PPARG: variants seen among roughly 807,000 people sequenced by gnomAD.
The protein encoded by PPARG is peroxisome proliferator activated receptor gamma, also known as peroxisome proliferator-activated receptor gamma.
Under a neutral mutation model 39.2 loss-of-function variants are expected in PPARG, and 17 were observed. That is an observed-to-expected ratio of 0.43 (90% CI 0.30 to 0.65). The LOEUF (loss-of-function observed/expected upper bound fraction) is 0.65, where lower values mean the gene tolerates loss of function less well. PPARG is among the 30% of genes least tolerant of loss of function. The probability of loss-of-function intolerance (pLI) is 0.13; values close to 1 mark genes in which losing one functional copy is unlikely to be tolerated. For missense variants in PPARG, 406 were observed against 585.9 expected (o/e 0.69, Z 3.17); for synonymous variants, 223 against 215.7 (o/e 1.03, Z -0.30).
chr3:12,399,966 C>T (rs912877431), intron 5 of PPARG, among the ~76,000 whole-genome samples: 1 of 147,818 alleles, frequency 6.8e-6, no homozygotes, highest in Non-Finnish European at 1.5e-5. Context: ...CCTGCGTGAT[C>T]GAGAAAGACC....
At chr3:12,340,217 C>T (rs1575019743) in intron 2 of PPARG, among the ~76,000 whole-genome samples, 1 of 152,296 alleles carries the variant, frequency 6.6e-6, no homozygotes, top group East Asian at 1.9e-4. Flanking sequence ...GATCCCTGTA[C>T]AGATTTTGGC....
chr3:12,392,801 C>G, intron 5 of PPARG, 49 bp downstream of exon 5: 1 of 1,609,176 alleles, frequency 6.2e-7, no homozygotes, highest in Non-Finnish European at 8.5e-7. Context: ...ATTATAGCTG[C>G]CAGACCAGTG....
intron 4 of PPARG, among the ~76,000 whole-genome samples, chr3:12,387,827 C>T (rs7627540): frequency 2.1e-4 from 32 of 152,224 alleles, no homozygotes; most frequent in African/African-American, 7.0e-4. Flanking sequence ...CCTAGGTTTT[C>T]TTCTAGGGTT....
rs1559540754 is a variant in PPARG, at chr3:12,434,161, C to T, written c.*16C>T. 1 of 1,614,182 alleles carries T rather than the reference C, an allele frequency of 6.2e-7. No individual in the cohort carries two copies. Among genetic ancestry groups the T allele is most frequent in the Non-Finnish European group, 8.5e-7 (1 of 1,180,032 alleles). ...CTTGTACTAGCAGAGAGTCCTGAGC[C>T]ACTGCCAACATTTCCCTTCTTCCAG... On this transcript the variant is annotated 3_prime_UTR_variant, in exon 8 of 8. Coordinates refer to ENST00000651735, the MANE Select transcript of PPARG (RefSeq NM_138711.6). The surrounding 1 kb of genome is among the most constrained non-coding windows in gnomAD (Gnocchi z 4.2).
At chr3:12,373,797 C>T (rs2049308597) in intron 2 of PPARG, among the ~76,000 whole-genome samples, 1 of 152,122 alleles carries the variant, frequency 6.6e-6, no homozygotes, top group Non-Finnish European at 1.5e-5. Flanking sequence ...GGAGGAGGTA[C>T]AAAGTGCTGT....
intron 2 of PPARG, among the ~76,000 whole-genome samples, chr3:12,313,467 T>A (rs188988696): frequency 6.6e-6 from 1 of 152,286 alleles, no homozygotes; most frequent in East Asian, 1.9e-4. Flanking sequence ...AATAAAATAC[T>A]CTTGGAGCAT....
At chr3:12,339,650 A>G (rs1027798382) in intron 2 of PPARG, among the ~76,000 whole-genome samples, 1 of 152,148 alleles carries the variant, frequency 6.6e-6, no homozygotes, top group African/African-American at 2.4e-5. Context: ...TCTAGCTTTG[A>G]CTTTGTCACT....
intron 5 of PPARG, among the ~76,000 whole-genome samples, chr3:12,403,999 G>T (rs2050568445): frequency 6.6e-6 from 1 of 152,110 alleles, no homozygotes; most frequent in Non-Finnish European, 1.5e-5. Context: ...GTGAGATAAG[G>T]TCATATCCTG....
At chr3:12,306,200 A>C (rs1461369866) in intron 1 of PPARG, among the ~76,000 whole-genome samples, 1 of 152,190 alleles carries the variant, frequency 6.6e-6, no homozygotes, top group Non-Finnish European at 1.5e-5. Context: ...TCTCATAAGA[A>C]GCATGCAACA....
intron 4 of PPARG, among the ~76,000 whole-genome samples, chr3:12,386,436 C>A (rs1205251628): frequency 6.6e-6 from 1 of 151,782 alleles, no homozygotes; most frequent in Non-Finnish European, 1.5e-5. Context: ...GACCTTGGAT[C>A]ATCACAAAAA....
At position 12,383,165 on chromosome 3, in the gene PPARG, C is replaced by A. The variant is rs370011259; in HGVS notation, c.390+1674C>A. ...ACACATTGTATCCTTCATCAGGCCC[C>A]CCATATGTAAAATGACTTGGTTAGA... On this transcript the variant is annotated intron_variant, in intron 4 of 7. Coordinates refer to ENST00000651735, the MANE Select transcript of PPARG (RefSeq NM_138711.6). 1.2e-4 allele frequency among the ~76,000 whole-genome samples: 19 copies of A among 152,214 alleles called. No individual in the cohort carries two copies. In the East Asian group the frequency reaches 1.7e-3, roughly 14 times the overall value.
At chr3:12,332,494 G>T (rs911258610) in intron 2 of PPARG, among the ~76,000 whole-genome samples, 1 of 152,188 alleles carries the variant, frequency 6.6e-6, no homozygotes, top group Non-Finnish European at 1.5e-5. Context: ...AAAGGTAGAA[G>T]AACAACTTTC....
intron 2 of PPARG, among the ~76,000 whole-genome samples, chr3:12,346,449 G>A (rs1353593591): frequency 6.6e-6 from 1 of 152,132 alleles, no homozygotes; most frequent in African/African-American, 2.4e-5. Flanking sequence ...TTTGTGGAAA[G>A]GGCTTTTTCT....
At chr3:12,403,120 C>T (rs897110023) in intron 5 of PPARG, among the ~76,000 whole-genome samples, 17 of 151,850 alleles carry the variant, frequency 1.1e-4, no homozygotes, top group African/African-American at 4.1e-4. Flanking sequence ...TGGTGAAACC[C>T]TGTCTCTACA....
intron 2 of PPARG, among the ~76,000 whole-genome samples, chr3:12,335,812 T>C (rs995138775): frequency 6.6e-6 from 1 of 152,084 alleles, no homozygotes; most frequent in African/African-American, 2.4e-5. Context: ...GAGCTAATCA[T>C]TAGAAGTAGA....
upstream of PPARG, among the ~76,000 whole-genome samples, chr3:12,288,482 G>A (rs988773613): frequency 3.3e-5 from 5 of 151,978 alleles, no homozygotes; most frequent in Non-Finnish European, 1.5e-5. Context: ...CGCGTCCCCG[G>A]CGGAGGTGCG....
chr3:12,413,091 T>C (rs1221998213), intron 6 of PPARG, among the ~76,000 whole-genome samples: 1 of 152,220 alleles, frequency 6.6e-6, no homozygotes, highest in Non-Finnish European at 1.5e-5. Flanking sequence ...ACATTTTGTA[T>C]GGAACATTGT....
intron 5 of PPARG, among the ~76,000 whole-genome samples, chr3:12,403,491 A>G (rs1177626704): frequency 6.6e-6 from 1 of 151,874 alleles, no homozygotes; most frequent in African/African-American, 2.4e-5. Flanking sequence ...CTGGGATTAG[A>G]GGCGCACACC....
intron 2 of PPARG, among the ~76,000 whole-genome samples, chr3:12,368,971 G>A (rs2049115546): frequency 6.6e-6 from 1 of 152,236 alleles, no homozygotes; most frequent in South Asian, 2.1e-4. Flanking sequence ...GTAAGAAATA[G>A]AGTTACTCCC....
Sources: gnomAD v4.1 joint callset for allele counts (sites outside exome capture counted in the v4.1 genomes callset) on GRCh38, gnomAD v4.1.1 for gene constraint, Gnocchi (gnomAD v3.1) non-coding constraint, MANE v1.5 for transcripts, NCBI Gene and HGNC (gene_info 2026-07-23, HGNC 2026-07-21) for gene names.